Variants in RBFOX2 observed in about 807,000 individuals in gnomAD.
RBFOX2 encodes RNA binding fox-1 homolog 2.
RBFOX2 carries 10 observed loss-of-function variants against 49.1 expected under a neutral mutation model. That is an observed-to-expected ratio of 0.20 (90% CI 0.13 to 0.35). The LOEUF is 0.35. Ranked by LOEUF, RBFOX2 falls within the 10% of genes least tolerant of loss-of-function variation. RBFOX2 has a pLI of 1.00. For synonymous variants in RBFOX2, 183 were observed against 187.4 expected (o/e 0.98, Z 0.19); for missense variants, 323 against 486.9 (o/e 0.66, Z 3.17).
chr22:35,827,158 A>C (rs1271537922), intron 1 of RBFOX2, among the ~76,000 whole-genome samples: 1 of 152,214 alleles, frequency 6.6e-6, no homozygotes, highest in African/African-American at 2.4e-5. Flanking sequence ...GCAATGACTC[A>C]AAGAGTCTAA....
chr22:35,889,702 T>C (rs1416007400), intron 1 of RBFOX2, among the ~76,000 whole-genome samples: 2 of 152,194 alleles, frequency 1.3e-5, no homozygotes, highest in African/African-American at 4.8e-5. Context: ...ACGGTACCTA[T>C]CACGGCATCT....
chr22:35,815,634 T>TGC (rs1952876104), intron 1 of RBFOX2, among the ~76,000 whole-genome samples: 1 of 152,168 alleles, frequency 6.6e-6, no homozygotes, highest in South Asian at 2.1e-4. Context: ...GAATGGATCA[T>TGC]GCACACAAAC....
In RBFOX2 at chr22:35,744,254, A is replaced by G. The variant is rs1252396025; in HGVS notation, c.1050-5T>C. ...GCCACCTCGGTATAAACTCGCCTGC[A>G]GTAATTAAAGAGATAAAAATAATTA... On this transcript the variant is annotated splice_polypyrimidine_tract_variant and splice_region_variant and intron_variant, in intron 11 of 11. Transcript: ENST00000405409. The G allele has an allele frequency of 6.2e-7, 1 of 1,610,006 alleles. No individual in the cohort carries two copies. Among genetic ancestry groups the G allele is most frequent in the African/African-American group, 1.3e-5 (1 of 74,780 alleles).
chr22:35,891,594 A>C (rs1398271932), intron 1 of RBFOX2, among the ~76,000 whole-genome samples: 1 of 152,232 alleles, frequency 6.6e-6, no homozygotes. Flanking sequence ...AAGTTCATCC[A>C]TATAGAGCAT....
intron 1 of RBFOX2, chr22:35,821,984 C>T (rs1954634522): frequency 1.9e-6 from 1 of 518,504 alleles, no homozygotes; most frequent in Non-Finnish European, 3.9e-6. Flanking sequence ...TCTACACAAC[C>T]TTCCTGAAGA....
At chr22:35,826,203 T>C (rs879430076) in intron 1 of RBFOX2, among the ~76,000 whole-genome samples, 2 of 151,322 alleles carry the variant, frequency 1.3e-5, no homozygotes, top group Non-Finnish European at 2.9e-5. Flanking sequence ...TTAGCTGGGC[T>C]TGGTGGCGCA....
intron 1 of RBFOX2, among the ~76,000 whole-genome samples, chr22:35,925,868 G>A (rs564904767): frequency 6.6e-6 from 1 of 152,316 alleles, no homozygotes; most frequent in East Asian, 1.9e-4. Flanking sequence ...AGACTCCAGT[G>A]AGATCAGAGC....
chr22:35,788,076 T>G (rs907336752), intron 2 of RBFOX2, among the ~76,000 whole-genome samples: 2 of 152,232 alleles, frequency 1.3e-5, no homozygotes, highest in African/African-American at 4.8e-5. Flanking sequence ...AATCTCATCC[T>G]AGAAATGAGG....
chr22:35,901,065 T>C (rs2048507860), intron 1 of RBFOX2, among the ~76,000 whole-genome samples: 1 of 152,234 alleles, frequency 6.6e-6, no homozygotes. Context: ...TTTGCATGCA[T>C]TATCTCATTG....
chr22:35,763,756 C>T (rs1048661309), intron 6 of RBFOX2, among the ~76,000 whole-genome samples: 1 of 152,088 alleles, frequency 6.6e-6, no homozygotes, highest in Non-Finnish European at 1.5e-5. Flanking sequence ...GGTCTCATTT[C>T]CTAATAATAA....
intron 7 of RBFOX2, 52 bp downstream of exon 8, chr22:35,761,362 CA>C: frequency 6.2e-7 from 1 of 1,611,610 alleles, no homozygotes; most frequent in Non-Finnish European, 8.5e-7. Context: ...TGAAAAACAG[CA>C]GATGCTATTA....
At chr22:35,880,487 A>G (rs1269261615) in intron 1 of RBFOX2, among the ~76,000 whole-genome samples, 1 of 152,184 alleles carries the variant, frequency 6.6e-6, no homozygotes, top group East Asian at 1.9e-4. Flanking sequence ...CTAGAGGTAT[A>G]CATTTGAGAG....
At chr22:35,848,550 T>G (rs1221293500) in intron 1 of RBFOX2, among the ~76,000 whole-genome samples, 1 of 152,134 alleles carries the variant, frequency 6.6e-6, no homozygotes, top group African/African-American at 2.4e-5. Flanking sequence ...ACAGGCCCAA[T>G]CCAAAATAGC....
chr22:36,004,231 A>G (rs924933336), intron 1 of RBFOX2, among the ~76,000 whole-genome samples: 1 of 152,160 alleles, frequency 6.6e-6, no homozygotes, highest in Admixed American at 6.6e-5. Flanking sequence ...TCAAGTTGAC[A>G]ACACTTTCAA....
At chr22:35,904,768 A>AT (rs2048946099) in intron 1 of RBFOX2, among the ~76,000 whole-genome samples, 1 of 152,228 alleles carries the variant, frequency 6.6e-6, no homozygotes, top group Non-Finnish European at 1.5e-5. Context: ...CTTGCTGTAT[A>AT]TAAGTTAGTT....
rs183828929 is a variant in RBFOX2, at chr22:35,739,802, G to A, written c.*4393C>T. Reference sequence around the variant, plus strand: ...GTGTGAGTGGAGTCCTCAGGTCACCGGCATGTACACAAGTACCAGACAAGG... The same window carrying A: ...GTGTGAGTGGAGTCCTCAGGTCACCAGCATGTACACAAGTACCAGACAAGG... On this transcript the variant is annotated 3_prime_UTR_variant, in exon 12 of 12. Coordinates refer to ENST00000405409, the Ensembl canonical transcript of RBFOX2. The A allele has an allele frequency of 1.4e-4, 22 of 152,586 alleles. No homozygotes were observed. In the South Asian group the frequency reaches 2.1e-3, roughly 14 times the overall value. The allele number at this position is 152,586 out of a possible 1,614,324, so 9.5% of individuals were successfully genotyped here. A position where few individuals can be genotyped will look rare whatever the true frequency, so the allele number is the denominator to read the frequency against.
chr22:35,933,544 T>C (rs894557092), intron 1 of RBFOX2, among the ~76,000 whole-genome samples: 3 of 152,190 alleles, frequency 2.0e-5, no homozygotes, highest in African/African-American at 7.2e-5. Flanking sequence ...AGTTTGTGTG[T>C]ATCTGTTCTA....
intron 2 of RBFOX2, among the ~76,000 whole-genome samples, chr22:35,803,633 C>T (rs1454944692): frequency 2.6e-5 from 4 of 152,142 alleles, no homozygotes; most frequent in South Asian, 2.1e-4. Flanking sequence ...GCTGTGATTA[C>T]ACCTCTGCAC....
chr22:35,933,953 T>TAC lies in RBFOX2; in HGVS notation c.-34+4892_-34+4893dup, dbSNP rs1556421360. Among the ~76,000 whole-genome samples the TAC allele has an allele frequency of 4.2e-3, 597 of 141,068 alleles. 15 individuals carry two copies. The highest frequency in any genetic ancestry group is 0.012 in the African/African-American group (418 of 35,764). 92.5% of individuals were successfully genotyped at this position (141,068 alleles called of 152,430 possible). On this transcript the variant is annotated intron_variant, in intron 1 of 13. Coordinates refer to the RBFOX2 transcript ENST00000359369. Reference sequence around the variant, plus strand: ...ATATATATATATATATATATATATATACACACATCAATGAAATAAATTAGA... The same window carrying TAC: ...ATATATATATATATATATATATATATACACACACATCAATGAAATAAATTAGA...
Sources: allele counts gnomAD v4.1 joint callset (sites outside exome capture counted in the v4.1 genomes callset), GRCh38; gene constraint gnomAD v4.1.1; transcripts MANE v1.5; gene names NCBI Gene and HGNC (gene_info 2026-07-23, HGNC 2026-07-21).